The following VPS13B variants were observed in gnomAD, a reference collection of about 807,000 sequenced individuals.
The protein encoded by VPS13B is intermembrane lipid transfer protein VPS13B.
In VPS13B, 285 loss-of-function variants were observed where a neutral mutation model predicts 426.4. The observed-to-expected ratio is 0.67, with a 90% confidence interval of 0.61 to 0.74. VPS13B has a LOEUF of 0.74. Among genes scored for constraint, VPS13B ranks in the 30% least tolerant of loss-of-function variants. The probability of loss-of-function intolerance (pLI) is 0.00; values close to 1 mark genes in which losing one functional copy is unlikely to be tolerated. For synonymous variants in VPS13B, 1,676 were observed against 1,676.4 expected, an observed-to-expected ratio of 1.00 and a Z score of 0.01; for missense variants, 4,537 against 4,782.6, an observed-to-expected ratio of 0.95 and a Z score of 1.51.
intron 33 of VPS13B, among the ~76,000 whole-genome samples, chr8:99,581,693 AC>A (rs1281393943): frequency 6.6e-6 from 1 of 152,202 alleles, no homozygotes; most frequent in Non-Finnish European, 1.5e-5. Flanking sequence ...GAGTCATGTC[AC>A]GTTAATACTA....
intron 1 of VPS13B, 114 bp from the exon 2 acceptor site, chr8:99,013,646 A>G: frequency 2.2e-6 from 2 of 924,662 alleles, no homozygotes; most frequent in South Asian, 1.4e-5. Flanking sequence ...CTCTGTTTCT[A>G]AGAGGAGGCG....
chr8:99,305,735 A>G (rs1339739565), intron 19 of VPS13B, among the ~76,000 whole-genome samples: 1 of 152,156 alleles, frequency 6.6e-6, no homozygotes, highest in African/African-American at 2.4e-5. Context: ...TAAAAGTTAC[A>G]TGATAAACCT....
At chr8:99,769,247 G>T (rs992926663) in intron 40 of VPS13B, among the ~76,000 whole-genome samples, 1 of 152,104 alleles carries the variant, frequency 6.6e-6, no homozygotes, top group African/African-American at 2.4e-5. Context: ...TTTTCAGATA[G>T]AAGTTGATAT....
At chr8:99,832,233 G>A (rs569031888) in intron 51 of VPS13B, 136 bp from the exon 52 acceptor site, 64 of 1,275,086 alleles carry the variant, frequency 5.0e-5, no homozygotes, top group Middle Eastern at 5.7e-4. Flanking sequence ...CTGCACTCCC[G>A]CCTGCGTGAT....
At chr8:99,336,954 G>A (rs1479888962) in intron 19 of VPS13B, among the ~76,000 whole-genome samples, 4 of 152,022 alleles carry the variant, frequency 2.6e-5, no homozygotes, top group Non-Finnish European at 5.9e-5. Flanking sequence ...AGTCAGTGTG[G>A]CGATTCCTCA....
Position 99,330,730 on chromosome 8 carries a change from G to A in VPS13B, c.2825-53478G>A, listed in dbSNP as rs1056585252. ...GTGGTACCACTGGCTACCTCAAGAAGTTATTTGATCTAGTCATTGTCTTCA... is the reference window on the plus strand; with the variant it reads ...GTGGTACCACTGGCTACCTCAAGAAATTATTTGATCTAGTCATTGTCTTCA... On this transcript the variant is annotated intron_variant, in intron 19 of 61. Transcript: ENST00000357162. 2.0e-4 allele frequency among the ~76,000 whole-genome samples: 30 copies of A among 151,864 alleles called. 1 individual carries two copies. Among genetic ancestry groups the A allele is most frequent in the African/African-American group, 7.0e-4 (29 of 41,484 alleles).
chr8:99,585,505 C>A (rs188197414), intron 33 of VPS13B, among the ~76,000 whole-genome samples: 9 of 152,150 alleles, frequency 5.9e-5, no homozygotes, highest in African/African-American at 2.2e-4. Flanking sequence ...ATGGGATTAC[C>A]CAGAAATGCA....
intron 51 of VPS13B, among the ~76,000 whole-genome samples, chr8:99,826,370 TTGTC>T (rs1349765227): frequency 6.6e-6 from 1 of 152,206 alleles, no homozygotes; most frequent in African/African-American, 2.4e-5. Context: ...GGCTCTCTGT[TTGTC>T]TGTTATTGGT....
chr8:99,161,968 A>G (rs1811683862), intron 15 of VPS13B, among the ~76,000 whole-genome samples: 1 of 152,170 alleles, frequency 6.6e-6, no homozygotes, highest in East Asian at 1.9e-4. Context: ...CTTGGCCTCA[A>G]ATTGATCCTC....
At chr8:99,745,499 C>T (rs891440779) in intron 39 of VPS13B, among the ~76,000 whole-genome samples, 12 of 152,012 alleles carry the variant, frequency 7.9e-5, no homozygotes, top group Non-Finnish European at 1.3e-4. Flanking sequence ...ACTTTTATTA[C>T]AGTGTATATT....
At chr8:99,162,152 T>C (rs1205972929) in intron 15 of VPS13B, among the ~76,000 whole-genome samples, 2 of 151,188 alleles carry the variant, frequency 1.3e-5, no homozygotes, top group African/African-American at 2.4e-5. Context: ...TGGTAGAGAG[T>C]TTTTTTTTAT....
intron 3 of VPS13B, among the ~76,000 whole-genome samples, chr8:99,071,557 T>A (rs1376800064): frequency 6.6e-6 from 1 of 152,170 alleles, no homozygotes; most frequent in East Asian, 1.9e-4. Context: ...GTCTAAGGCC[T>A]ACAGTGACCA....
At chr8:99,569,129 A>G (rs1825344063) in intron 31 of VPS13B, among the ~76,000 whole-genome samples, 1 of 152,022 alleles carries the variant, frequency 6.6e-6, no homozygotes, top group South Asian at 2.1e-4. Flanking sequence ...GCCGATTACC[A>G]CAAGTTTTAA....
At chr8:99,738,304 C>G (rs919523348) in intron 39 of VPS13B, among the ~76,000 whole-genome samples, 1 of 152,180 alleles carries the variant, frequency 6.6e-6, no homozygotes, top group Non-Finnish European at 1.5e-5. Flanking sequence ...TTTTAATTCT[C>G]CATGAGGAAA....
chr8:99,059,057 T>G (rs1319677189), intron 3 of VPS13B, among the ~76,000 whole-genome samples: 1 of 152,268 alleles, frequency 6.6e-6, no homozygotes, highest in Non-Finnish European at 1.5e-5. Flanking sequence ...ATTCAACACA[T>G]GCTTACTGAG....
intron 25 of VPS13B, among the ~76,000 whole-genome samples, chr8:99,487,427 AT>A (rs1188458353): frequency 2.0e-5 from 3 of 152,088 alleles, no homozygotes; most frequent in Non-Finnish European, 4.4e-5. Flanking sequence ...TTCTTTGGTG[AT>A]TTTTTTAAAT....
Position 99,557,782 on chromosome 8 carries a change from C to T in VPS13B, c.4949+1129C>T, listed in dbSNP as rs1198476063. On this transcript the variant is annotated intron_variant, in intron 31 of 61. Transcript: ENST00000357162. ...TCTTAACGATTTATAGTCACTGCCA[C>T]CTTTCCCAGGCTACTTGTGGTTCTC... 3.3e-5 allele frequency among the ~76,000 whole-genome samples: 5 copies of T among 152,106 alleles called. No homozygotes were observed. In the South Asian group the frequency reaches 8.3e-4, roughly 25 times the overall value.
intron 34 of VPS13B, among the ~76,000 whole-genome samples, chr8:99,643,117 A>G (rs1407047696): frequency 6.6e-6 from 1 of 152,160 alleles, no homozygotes. Context: ...TAGGAAAGTG[A>G]GCAGGGTTCA....
At chr8:99,497,031 A>T (rs1206383545) in intron 25 of VPS13B, among the ~76,000 whole-genome samples, 3 of 148,604 alleles carry the variant, frequency 2.0e-5, no homozygotes, top group Non-Finnish European at 3.0e-5. Flanking sequence ...ATAATCTAAA[A>T]TTCTGAGTGA....
Sources: gnomAD v4.1 joint callset for allele counts (sites outside exome capture counted in the v4.1 genomes callset) on GRCh38, gnomAD v4.1.1 for gene constraint, MANE v1.5 for transcripts, NCBI Gene and HGNC (gene_info 2026-07-23, HGNC 2026-07-21) for gene names.